The following EBF2 variants were observed in gnomAD, a reference collection of about 807,000 sequenced individuals.
EBF2 encodes the protein EBF transcription factor 2.
Under a neutral mutation model 72.8 loss-of-function variants are expected in EBF2, and 21 were observed. That is an observed-to-expected ratio of 0.29 (90% CI 0.20 to 0.42). The LOEUF is 0.42. Ranked by LOEUF, EBF2 falls within the 10% of genes least tolerant of loss-of-function variation. The pLI is 1.00. For synonymous variants in EBF2, 299 were observed against 274.2 expected, an observed-to-expected ratio of 1.09 and a Z score of -0.89; for missense variants, 637 against 731.2, an observed-to-expected ratio of 0.87 and a Z score of 1.49.
chr8:25,887,207 C>T (rs1293876138), intron 9 of EBF2, among the ~76,000 whole-genome samples: 1 of 151,922 alleles, frequency 6.6e-6, no homozygotes, highest in African/African-American at 2.4e-5. Flanking sequence ...TCCTTTATTT[C>T]CTACAAGCCC....
At chr8:25,851,727 A>T (rs769945084) in intron 14 of EBF2, among the ~76,000 whole-genome samples, 1 of 152,178 alleles carries the variant, frequency 6.6e-6, no homozygotes, top group African/African-American at 2.4e-5. Flanking sequence ...GTTGGAGCCT[A>T]ATGACCAAGC....
At chr8:25,955,185 A>G (rs1166890690) in intron 6 of EBF2, among the ~76,000 whole-genome samples, 1 of 152,230 alleles carries the variant, frequency 6.6e-6, no homozygotes, top group African/African-American at 2.4e-5. Flanking sequence ...GCCCACAGAC[A>G]AGGACCCTTG....
chr8:25,899,677 A>G (rs1467409640), intron 7 of EBF2, among the ~76,000 whole-genome samples: 1 of 152,224 alleles, frequency 6.6e-6, no homozygotes, highest in Admixed American at 6.5e-5. Flanking sequence ...CTCTTTTCCA[A>G]GACATGAGTA....
chr8:25,899,946 C>G (rs1449384951), intron 7 of EBF2, among the ~76,000 whole-genome samples: 1 of 152,178 alleles, frequency 6.6e-6, no homozygotes, highest in Non-Finnish European at 1.5e-5. Context: ...GTTCCCTTCT[C>G]TCCCACACCG....
intron 6 of EBF2, among the ~76,000 whole-genome samples, chr8:25,969,011 TAA>T (rs770715767): frequency 2.6e-5 from 4 of 150,956 alleles, no homozygotes; most frequent in Non-Finnish European, 5.9e-5. Context: ...CTTAAAATGG[TAA>T]AAAAAAATTT....
chr8:26,040,016 G>A lies in EBF2; in HGVS notation c.482+12C>T. On this transcript the variant is annotated intron_variant, in intron 5 of 15. Transcript: ENST00000520164. ...GGCTCTCCAGGAAGGCCTGGGAAAA[G>A]GCGGCTCTTACCTACACATCACTTC... is the stretch of plus-strand genomic sequence containing the variant. 3 of 1,613,114 alleles carry A rather than the reference G, an allele frequency of 1.9e-6. No individual in the cohort carries two copies. Among genetic ancestry groups the A allele is most frequent in the Non-Finnish European group, 2.5e-6 (3 of 1,179,302 alleles).
intron 6 of EBF2, among the ~76,000 whole-genome samples, chr8:25,968,162 T>C (rs1293459704): frequency 6.6e-6 from 1 of 152,064 alleles, no homozygotes; most frequent in Non-Finnish European, 1.5e-5. Context: ...TGAATCATGA[T>C]CGAGCAATTC....
In EBF2 at chr8:26,023,335, A is replaced by G. The variant is rs143897008; in HGVS notation, c.551+9750T>C. 7.2e-5 allele frequency among the ~76,000 whole-genome samples: 11 copies of G among 152,348 alleles called. No individual in the cohort carries two copies. The East Asian group carries it at 2.1e-3, about 29-fold the overall frequency. ...CTTATTTCCAGCACAGCACAATTTT[A>G]GAGTACTGTTCTTCTGCTCCTTGAC... On this transcript the variant is annotated intron_variant, in intron 6 of 15. Transcript: ENST00000520164.
chr8:25,982,829 A>G (rs982301035), intron 6 of EBF2, among the ~76,000 whole-genome samples: 5 of 152,142 alleles, frequency 3.3e-5, no homozygotes, highest in Non-Finnish European at 7.3e-5. Flanking sequence ...AGAGTGACCT[A>G]TGCAAAAATC....
intron 6 of EBF2, among the ~76,000 whole-genome samples, chr8:25,934,223 A>G (rs73677436): frequency 2.2e-5 from 2 of 90,746 alleles, no homozygotes; most frequent in Non-Finnish European, 4.3e-5. Flanking sequence ...CTTCATGTGC[A>G]TACACACACA....
At chr8:25,973,616 C>T (rs1804223989) in intron 6 of EBF2, among the ~76,000 whole-genome samples, 1 of 152,216 alleles carries the variant, frequency 6.6e-6, no homozygotes, top group Non-Finnish European at 1.5e-5. Flanking sequence ...TTTCCATCCT[C>T]AAATCTGTCT....
chr8:25,942,647 G>A (rs896170675), intron 6 of EBF2, among the ~76,000 whole-genome samples: 1 of 152,186 alleles, frequency 6.6e-6, no homozygotes, highest in Non-Finnish European at 1.5e-5. Flanking sequence ...AAAACTGAAA[G>A]GCTTGTCTAA....
At chr8:25,990,349 A>G (rs1164526900) in intron 6 of EBF2, among the ~76,000 whole-genome samples, 1 of 152,186 alleles carries the variant, frequency 6.6e-6, no homozygotes, top group Non-Finnish European at 1.5e-5. Flanking sequence ...TTACAAGATC[A>G]TATGTAACGT....
At chr8:25,939,731 C>T (rs934045560) in intron 6 of EBF2, among the ~76,000 whole-genome samples, 4 of 152,126 alleles carry the variant, frequency 2.6e-5, no homozygotes, top group African/African-American at 7.2e-5. Flanking sequence ...TGTTCTTTCT[C>T]CTTATCTGTG....
At chr8:25,998,211 A>C (rs1804668278) in intron 6 of EBF2, among the ~76,000 whole-genome samples, 1 of 152,160 alleles carries the variant, frequency 6.6e-6, no homozygotes, top group South Asian at 2.1e-4. Context: ...ATAATTCTAC[A>C]AGCAAGCTCA....
At chr8:26,028,162 G>A (rs977392080) in intron 6 of EBF2, among the ~76,000 whole-genome samples, 12 of 152,264 alleles carry the variant, frequency 7.9e-5, no homozygotes, top group African/African-American at 2.9e-4. Flanking sequence ...AAAGAAAATG[G>A]TGTCAGGAGA....
chr8:26,027,163 C>T (rs549465413), intron 6 of EBF2, among the ~76,000 whole-genome samples: 1 of 152,284 alleles, frequency 6.6e-6, no homozygotes, highest in South Asian at 2.1e-4. Context: ...CCAACTACTA[C>T]CCAAATTCTA....
Position 25,993,802 on chromosome 8 carries a change from G to T in EBF2, c.551+39283C>A, listed in dbSNP as rs566244647. On this transcript the variant is annotated intron_variant, in intron 6 of 15. Transcript: ENST00000520164. Reference sequence around the variant, plus strand: ...TTTTAAATGTCCATTATGTCTTTTGGGGGGGTGGGGGAAGCTTATTATGTT... The same window carrying T: ...TTTTAAATGTCCATTATGTCTTTTGTGGGGGTGGGGGAAGCTTATTATGTT... Among the ~76,000 whole-genome samples, 5 of 152,024 alleles carry T rather than the reference G, an allele frequency of 3.3e-5. No individual in the cohort carries two copies. The East Asian group carries it at 7.7e-4, about 24-fold the overall frequency.
intron 6 of EBF2, among the ~76,000 whole-genome samples, chr8:26,020,197 A>G (rs1805182796): frequency 2.0e-5 from 3 of 152,194 alleles, no homozygotes; most frequent in African/African-American, 7.2e-5. Context: ...ATAGAAAATT[A>G]CTGCTTCCTG....
Sources: gnomAD v4.1 joint callset for allele counts (sites outside exome capture counted in the v4.1 genomes callset) on GRCh38, gnomAD v4.1.1 for gene constraint, MANE v1.5 for transcripts, NCBI Gene and HGNC (gene_info 2026-07-23, HGNC 2026-07-21) for gene names.